The following EVL variants were observed in gnomAD, a reference collection of about 807,000 sequenced individuals.
EVL encodes the protein ena/VASP-like protein.
In EVL, 21 loss-of-function variants were observed where a neutral mutation model predicts 59.6. That is an observed-to-expected ratio of 0.35 (90% CI 0.25 to 0.51). The LOEUF is 0.51. Ranked by LOEUF, EVL falls within the 20% of genes least tolerant of loss-of-function variation. EVL has a pLI of 0.97. For synonymous variants in EVL, 198 were observed against 203.5 expected, an observed-to-expected ratio of 0.97 and a Z score of 0.23; for missense variants, 462 against 546.6, an observed-to-expected ratio of 0.85 and a Z score of 1.54.
At chr14:100,121,976 C>T (rs1286295261) in intron 3 of EVL, among the ~76,000 whole-genome samples, 5 of 152,228 alleles carry the variant, frequency 3.3e-5, no homozygotes, top group African/African-American at 1.2e-4. Context: ...CAGGAGTGAA[C>T]TCAGCCGTTG....
At chr14:100,137,359 G>A (rs1474638615) in intron 9 of EVL, 8 of 586,318 alleles carry the variant, frequency 1.4e-5, no homozygotes, top group African/African-American at 9.3e-5. Flanking sequence ...CACAGTGAAG[G>A]GCTCAGAACC....
At chr14:99,988,143 C>G (rs1319209720) in intron 1 of EVL, among the ~76,000 whole-genome samples, 1 of 151,736 alleles carries the variant, frequency 6.6e-6, no homozygotes, top group Non-Finnish European at 1.5e-5. Flanking sequence ...CCCAAACTCC[C>G]GACTTCAGGT....
rs372253701 is a variant in EVL at position 99,972,801 on chromosome 14, C to CTT, written c.5+754_5+755dup. On this transcript the variant is annotated intron_variant, in intron 1 of 13. Coordinates refer to the EVL transcript ENST00000402714. The surrounding 1 kb of genome is among the most constrained non-coding windows in gnomAD (Gnocchi z 4.4). Reference sequence around the variant, plus strand: ...TGTCGTGACTTTTTTGGGGTAATCACTTTTTTTTTTTCCATTTGTAATTTT... The same window carrying CTT: ...TGTCGTGACTTTTTTGGGGTAATCACTTTTTTTTTTTTTCCATTTGTAATTTT... 6.8e-6 allele frequency among the ~76,000 whole-genome samples: 1 copy of CTT among 147,558 alleles called. No homozygotes were observed. Among genetic ancestry groups the CTT allele is most frequent in the East Asian group, 2.0e-4 (1 of 5,068 alleles).
At chr14:99,990,990 G>T (rs1422932143) in intron 1 of EVL, among the ~76,000 whole-genome samples, 1 of 152,058 alleles carries the variant, frequency 6.6e-6, no homozygotes, top group Non-Finnish European at 1.5e-5. Flanking sequence ...GAACTATGCT[G>T]ATCTGCTTAT....
At chr14:100,046,528 G>A (rs554081765) in intron 1 of EVL, among the ~76,000 whole-genome samples, 3 of 152,050 alleles carry the variant, frequency 2.0e-5, no homozygotes, top group East Asian at 3.9e-4. Flanking sequence ...TCAGCTGCAC[G>A]TGTTGGCGCT....
At chr14:100,021,178 A>G (rs997317159) in intron 1 of EVL, among the ~76,000 whole-genome samples, 2 of 152,212 alleles carry the variant, frequency 1.3e-5, no homozygotes, top group Non-Finnish European at 2.9e-5. Flanking sequence ...CCTCTTGAAC[A>G]GAGCTTGGAG....
At chr14:100,120,907 G>T (rs1364062355) in intron 3 of EVL, among the ~76,000 whole-genome samples, 1 of 152,168 alleles carries the variant, frequency 6.6e-6, no homozygotes, top group African/African-American at 2.4e-5. Context: ...GGTGTTTTGT[G>T]GGGCAGCCGA....
intron 1 of EVL, among the ~76,000 whole-genome samples, chr14:100,072,383 C>T (rs1015765889): frequency 6.6e-6 from 1 of 152,082 alleles, no homozygotes; most frequent in African/African-American, 2.4e-5. Flanking sequence ...TACAGGCATG[C>T]GCCACTACAC....
intron 1 of EVL, among the ~76,000 whole-genome samples, chr14:100,083,439 C>A (rs1402533889): frequency 6.7e-6 from 1 of 149,646 alleles, no homozygotes; most frequent in East Asian, 1.9e-4. Flanking sequence ...AATCACAATT[C>A]CCTCTTTAAA....
Position 100,097,651 on chromosome 14 carries a change from A to C in EVL, c.351A>C (p.Gln117His), listed in dbSNP as rs768934626. 28 of 1,610,196 alleles carry C rather than the reference A, an allele frequency of 1.7e-5. No homozygotes were observed. The African/African-American group carries it at 3.5e-4, about 20-fold the overall frequency. ...MLFALNIMNS[Q>H]EGGPSSQRQV... ...TTGCCCTGAACATCATGAATTCCCA[A>C]GAAGGAGGTAAGTAGGGCTTTGTCT... The change falls in exon 3 of 14, where the codon CAA (glutamine) becomes CAC (histidine). Residue 117 changes from glutamine to histidine, a missense_variant. Transcript: ENST00000392920.
intron 1 of EVL, among the ~76,000 whole-genome samples, chr14:100,005,840 C>T (rs191790681): frequency 2.1e-4 from 32 of 151,900 alleles, no homozygotes; most frequent in Non-Finnish European, 4.4e-5. Flanking sequence ...CAGGCTGTCC[C>T]GGTGGAAAAA....
At chr14:100,110,627 C>T (rs746065847) in intron 3 of EVL, among the ~76,000 whole-genome samples, 15 of 152,162 alleles carry the variant, frequency 9.9e-5, no homozygotes, top group Middle Eastern at 3.2e-3. Context: ...GAGGCTCTGT[C>T]TGACCCTGGG....
chr14:100,075,371 T>A (rs2062138947), intron 1 of EVL, among the ~76,000 whole-genome samples: 1 of 152,246 alleles, frequency 6.6e-6, no homozygotes, highest in Non-Finnish European at 1.5e-5. Flanking sequence ...GGAGGCTCCT[T>A]ACTGATGGTT....
chr14:100,103,187 A>AT (rs143706344), intron 3 of EVL, among the ~76,000 whole-genome samples: 29,113 of 142,398 alleles, frequency 0.2, 5,324 homozygotes, highest in African/African-American at 0.5. Flanking sequence ...TTTCCCAGAG[A>AT]GTTTTTTTTT....
intron 2 of EVL, among the ~76,000 whole-genome samples, chr14:100,096,560 C>G (rs1885825582): frequency 6.6e-6 from 1 of 152,170 alleles, no homozygotes; most frequent in Admixed American, 6.5e-5. Context: ...GACCAGAAAA[C>G]CGATCATTCA....
chr14:100,047,637 A>G (rs1393752047), intron 1 of EVL, among the ~76,000 whole-genome samples: 1 of 152,206 alleles, frequency 6.6e-6, no homozygotes, highest in Non-Finnish European at 1.5e-5. Flanking sequence ...TTGTAATATC[A>G]AAAACTGATC....
chr14:100,109,754 T>C lies in EVL; in HGVS notation c.358+12096T>C, dbSNP rs748373002. On this transcript the variant is annotated intron_variant, in intron 3 of 13. Transcript: ENST00000392920. This position sits in a 1 kb window ranked among gnomAD's most constrained non-coding sequence, Gnocchi z 4.3. ...CGCACCCGTCACCTTGGCCTACTTA[T>C]CACCACCCCAAACAGAGGAACACGC... The C allele has an allele frequency of 2.7e-5, 14 of 524,822 alleles. No individual in the cohort carries two copies. The highest frequency in any genetic ancestry group is 5.8e-5 in the African/African-American group (3 of 51,890). The allele number at this position is 524,822 out of a possible 1,614,324, so 32.5% of individuals were successfully genotyped here. A position where few individuals can be genotyped will look rare whatever the true frequency, so the allele number is the denominator to read the frequency against.
intron 1 of EVL, among the ~76,000 whole-genome samples, chr14:100,047,797 G>T (rs758733469): frequency 6.6e-6 from 1 of 152,146 alleles, no homozygotes; most frequent in Non-Finnish European, 1.5e-5. Context: ...CACGTGGGTA[G>T]AAAGTCCAGA....
At chr14:100,040,486 T>C (rs2061452516) in intron 1 of EVL, among the ~76,000 whole-genome samples, 1 of 152,178 alleles carries the variant, frequency 6.6e-6, no homozygotes. Flanking sequence ...TGGCTGCTCG[T>C]CTGCCCCTCA....
Sources: gnomAD v4.1 joint callset for allele counts (sites outside exome capture counted in the v4.1 genomes callset) on GRCh38, gnomAD v4.1.1 for gene constraint, Gnocchi (gnomAD v3.1) non-coding constraint, MANE v1.5 for transcripts, NCBI Gene and HGNC (gene_info 2026-07-23, HGNC 2026-07-21) for gene names.